The following MDGA2 variants were observed in gnomAD, a reference collection of about 807,000 sequenced individuals.
The protein encoded by MDGA2 is MAM domain-containing glycosylphosphatidylinositol anchor protein 2.
A neutral mutation model predicts 117.8 loss-of-function variants in MDGA2; 40 were observed. That is an observed-to-expected ratio of 0.34 (90% confidence interval 0.26 to 0.44). MDGA2 has a LOEUF of 0.44. Among genes scored for constraint, MDGA2 ranks in the 20% least tolerant of loss-of-function variants. MDGA2 has a pLI of 1.00. For synonymous variants in MDGA2, 452 were observed against 439.0 expected, an observed-to-expected ratio of 1.03 and a Z score of -0.37; for missense variants, 1,123 against 1,250.6, an observed-to-expected ratio of 0.90 and a Z score of 1.54.
chr14:47,392,671 A>G (rs1309047020), intron 1 of MDGA2, among the ~76,000 whole-genome samples: 1 of 152,132 alleles, frequency 6.6e-6, no homozygotes, highest in Non-Finnish European at 1.5e-5. Flanking sequence ...CTAGGAACAG[A>G]TGAGGAGCTG....
intron 1 of MDGA2, among the ~76,000 whole-genome samples, chr14:47,473,786 A>G (rs761534763): frequency 9.9e-5 from 15 of 152,178 alleles, no homozygotes; most frequent in Non-Finnish European, 1.8e-4. Context: ...TTCATGTTAA[A>G]AACTCTCAAT....
At chr14:47,516,020 G>A (rs1004827596) in intron 1 of MDGA2, among the ~76,000 whole-genome samples, 1 of 152,104 alleles carries the variant, frequency 6.6e-6, no homozygotes, top group African/African-American at 2.4e-5. Flanking sequence ...TATTTCTAAA[G>A]CCAGTGGAAA....
intron 8 of MDGA2, among the ~76,000 whole-genome samples, chr14:46,981,174 G>GGGC (rs1555340296): frequency 2.0e-5 from 3 of 151,488 alleles, no homozygotes; most frequent in African/African-American, 7.3e-5. Flanking sequence ...GAGGCCAAGG[G>GGGC]GGGGGCGGAT....
chr14:47,342,131 G>A (rs990617600), intron 1 of MDGA2, among the ~76,000 whole-genome samples: 3 of 151,930 alleles, frequency 2.0e-5, no homozygotes, highest in Non-Finnish European at 4.4e-5. Context: ...GGTTACAGGC[G>A]TGAGCCACTG....
chr14:47,296,228 C>A (rs1475965602), intron 2 of MDGA2, among the ~76,000 whole-genome samples: 1 of 151,988 alleles, frequency 6.6e-6, no homozygotes, highest in African/African-American at 2.4e-5. Flanking sequence ...ACATAAATGA[C>A]TTTAAGCTGT....
At chr14:46,906,284 A>AAATAAT (rs146392453) in intron 10 of MDGA2, among the ~76,000 whole-genome samples, 1 of 151,078 alleles carries the variant, frequency 6.6e-6, no homozygotes, top group Non-Finnish European at 1.5e-5. Flanking sequence ...TGAGTCCTTA[A>AAATAAT]AATAATAATA....
At position 47,061,583 on chromosome 14, in the gene MDGA2, A is replaced by G; in HGVS notation, c.1196-5T>C. On this transcript the variant is annotated splice_polypyrimidine_tract_variant and splice_region_variant and intron_variant, in intron 6 of 16. Coordinates refer to ENST00000399232, the MANE Select transcript of MDGA2 (RefSeq NM_001113498.3). The stretch of plus-strand genomic sequence containing the variant: ...AAAATCGTCCTTTTTTTAATGCTAC[A>G]ACATAAAAATTCCATAAGGAGTTAG... 1 of 1,601,542 alleles carries G rather than the reference A, an allele frequency of 6.2e-7. No individual in the cohort carries two copies. Among genetic ancestry groups the G allele is most frequent in the Non-Finnish European group, 8.5e-7 (1 of 1,172,150 alleles).
At position 47,525,188 on chromosome 14, in the gene MDGA2, C is replaced by A. The variant is rs142753293; in HGVS notation, c.280+149329G>T. Among the ~76,000 whole-genome samples the A allele has an allele frequency of 8.9e-4, 136 of 152,332 alleles. 1 individual carries two copies. The highest frequency in any genetic ancestry group is 3.0e-3 in the African/African-American group (123 of 41,576). On this transcript the variant is annotated intron_variant, in intron 1 of 16. Coordinates refer to ENST00000399232, the MANE Select transcript of MDGA2 (RefSeq NM_001113498.3). ...GAAAATTGCCTTTTCATCCTGACAA[C>A]ACTCGAAATTTTTTAAGACTACGGT...
At chr14:47,106,566 C>T (rs1159052355) in intron 5 of MDGA2, among the ~76,000 whole-genome samples, 1 of 152,008 alleles carries the variant, frequency 6.6e-6, no homozygotes, top group Admixed American at 6.6e-5. Context: ...GTTCAACTCA[C>T]CTGGCAGCCA....
intron 3 of MDGA2, among the ~76,000 whole-genome samples, chr14:47,159,289 G>A (rs1883534860): frequency 6.6e-6 from 1 of 152,054 alleles, no homozygotes; most frequent in Non-Finnish European, 1.5e-5. Flanking sequence ...CATGGAGGAG[G>A]AAGTACATGG....
Position 47,377,585 on chromosome 14 carries a change from G to T in MDGA2, c.281-76035C>A, listed in dbSNP as rs202216171. Among the ~76,000 whole-genome samples the T allele has an allele frequency of 2.0e-5, 3 of 152,094 alleles. No homozygotes were observed. In the East Asian group the frequency reaches 5.8e-4, roughly 30 times the overall value. On this transcript the variant is annotated intron_variant, in intron 1 of 16. Transcript: ENST00000399232. ...ATTATATCCCATGCATGGCTTTGAG[G>T]GTCCCATGCCCACGGAGCCTTGCTC...
intron 3 of MDGA2, among the ~76,000 whole-genome samples, chr14:47,158,945 A>T (rs577345818): frequency 6.6e-6 from 1 of 152,342 alleles, no homozygotes; most frequent in Admixed American, 6.5e-5. Context: ...CCAATCTGTA[A>T]AGGCAACATG....
intron 5 of MDGA2, among the ~76,000 whole-genome samples, chr14:47,110,394 A>G (rs1003405877): frequency 1.3e-5 from 2 of 152,206 alleles, no homozygotes; most frequent in African/African-American, 4.8e-5. Context: ...TAAAATAGCA[A>G]CAGCAGAAGA....
At chr14:47,301,150 A>G (rs1379335492) in intron 2 of MDGA2, among the ~76,000 whole-genome samples, 1 of 152,086 alleles carries the variant, frequency 6.6e-6, no homozygotes. Flanking sequence ...TGTCTTCTAC[A>G]TTTCCCACAA....
At chr14:47,640,141 G>A (rs1247777187) in intron 1 of MDGA2, among the ~76,000 whole-genome samples, 1 of 152,168 alleles carries the variant, frequency 6.6e-6, no homozygotes, top group Non-Finnish European at 1.5e-5. Context: ...CACAACGTAA[G>A]TCATATATTT....
chr14:47,461,612 C>G (rs1165376685), intron 1 of MDGA2, among the ~76,000 whole-genome samples: 4 of 151,796 alleles, frequency 2.6e-5, no homozygotes, highest in African/African-American at 9.7e-5. Context: ...TATATTCAAG[C>G]CCCAAGAATA....
At chr14:47,215,090 T>G (rs539130265) in intron 3 of MDGA2, among the ~76,000 whole-genome samples, 47 of 152,248 alleles carry the variant, frequency 3.1e-4, no homozygotes, top group Non-Finnish European at 6.0e-4. Flanking sequence ...TGTACTGATA[T>G]TGATGAAAGT....
At chr14:47,272,542 T>A (rs1176645521) in intron 2 of MDGA2, among the ~76,000 whole-genome samples, 1 of 152,168 alleles carries the variant, frequency 6.6e-6, no homozygotes, top group African/African-American at 2.4e-5. Context: ...CTTCACCCAC[T>A]CTTAAACTCA....
At chr14:46,933,852 A>ATATATATATATATG (rs1884680565) in intron 9 of MDGA2, among the ~76,000 whole-genome samples, 1 of 99,952 alleles carries the variant, frequency 1.0e-5, no homozygotes, top group Non-Finnish European at 2.1e-5. Flanking sequence ...ATATATATAT[A>ATATATATATATATG]CTTTTCTTGG....
Sources: allele counts gnomAD v4.1 joint callset (sites outside exome capture counted in the v4.1 genomes callset), GRCh38; gene constraint gnomAD v4.1.1; transcripts MANE v1.5; gene names NCBI Gene and HGNC (gene_info 2026-07-23, HGNC 2026-07-21).